Variants in HMGCS1 observed in about 807,000 individuals in gnomAD.
HMGCS1 encodes hydroxymethylglutaryl-CoA synthase, cytoplasmic.
In HMGCS1, 9 loss-of-function variants were observed where a neutral mutation model predicts 52.3. The ratio of observed to expected loss-of-function variants is 0.17; its 90% CI spans 0.10 to 0.30. The LOEUF (loss-of-function observed/expected upper bound fraction) is 0.30, where lower values mean the gene tolerates loss of function less well. HMGCS1 is among the 10% of genes least tolerant of loss of function. HMGCS1 has a pLI of 1.00. For synonymous variants in HMGCS1, 176 were observed against 214.4 expected (o/e 0.82, Z 1.57); for missense variants, 320 against 620.9 (o/e 0.52, Z 5.15).
intron 1 of HMGCS1, among the ~76,000 whole-genome samples, chr5:43,311,608 A>G (rs1352452671): frequency 3.9e-5 from 6 of 152,198 alleles, no homozygotes; most frequent in Non-Finnish European, 7.3e-5. Flanking sequence ...ATTCTAGAGG[A>G]CACAGGAAAC....
intron 1 of HMGCS1, among the ~76,000 whole-genome samples, chr5:43,308,662 T>C (rs1452791305): frequency 6.6e-6 from 1 of 152,206 alleles, no homozygotes; most frequent in Non-Finnish European, 1.5e-5. Context: ...AAAGACTGAT[T>C]GTTACTTGAG....
chr5:43,311,358 T>G (rs1228198235), intron 1 of HMGCS1, among the ~76,000 whole-genome samples: 3 of 151,800 alleles, frequency 2.0e-5, no homozygotes, highest in African/African-American at 7.3e-5. Context: ...GTCCTATCAT[T>G]AGGACAGGTA....
rs949541369 is a variant in HMGCS1 at position 43,288,587 on chromosome 5, G to C, written c.*2544C>G. ...TAGTATCCATAAAAATAAAAACTTA[G>C]GACAAAAGGTTAAGTGTACAAATAG... is the stretch of plus-strand genomic sequence containing the variant. On this transcript the variant is annotated 3_prime_UTR_variant, in exon 11 of 11. Coordinates refer to ENST00000325110, the MANE Select transcript of HMGCS1 (RefSeq NM_001098272.3). 1 of 151,938 alleles carries C rather than the reference G, an allele frequency of 6.6e-6. No individual in the cohort carries two copies. The highest frequency in any genetic ancestry group is 1.5e-5 in the Non-Finnish European group (1 of 68,008). 9.4% of individuals were successfully genotyped at this position (151,938 alleles called of 1,614,324 possible). A position where few individuals can be genotyped will look rare whatever the true frequency, so the allele number is the denominator to read the frequency against.
intron 10 of HMGCS1, among the ~76,000 whole-genome samples, chr5:43,291,855 G>A (rs762017356): frequency 2.0e-5 from 3 of 152,096 alleles, no homozygotes; most frequent in African/African-American, 7.2e-5. Context: ...GATCTGGGAT[G>A]AGATGTGAAA....
At chr5:43,311,905 G>A (rs764650726) in intron 1 of HMGCS1, among the ~76,000 whole-genome samples, 13 of 152,198 alleles carry the variant, frequency 8.5e-5, no homozygotes, top group Non-Finnish European at 1.9e-4. Flanking sequence ...AACTAAAGTA[G>A]AACCGAATAA....
At position 43,295,739 on chromosome 5, in the gene HMGCS1, T is replaced by C. The variant is rs1283978017; in HGVS notation, c.905+13A>G. The C allele has an allele frequency of 1.3e-6, 2 of 1,595,912 alleles. No homozygotes were observed. The highest frequency in any genetic ancestry group is 2.7e-5 in the African/African-American group (2 of 74,098). On this transcript the variant is annotated intron_variant, in intron 6 of 10. Coordinates refer to ENST00000325110, the MANE Select transcript of HMGCS1 (RefSeq NM_001098272.3). ...TAATATAGAAGGAAAAAACTCATAA[T>C]AGCTCCTCTTACCCAAAGGCTTCCA...
chr5:43,299,782 CA>C (rs1440150104), intron 2 of HMGCS1, among the ~76,000 whole-genome samples: 3 of 152,042 alleles, frequency 2.0e-5, no homozygotes, highest in Non-Finnish European at 4.4e-5. Flanking sequence ...CCAATAGCAA[CA>C]AAAATCACTA....
chr5:43,302,499 G>A (rs1021434069), intron 2 of HMGCS1, among the ~76,000 whole-genome samples: 6 of 151,998 alleles, frequency 3.9e-5, no homozygotes, highest in South Asian at 2.1e-4. Flanking sequence ...ATCATACTTC[G>A]TCAATTAAAG....
rs1484492895 is a variant in HMGCS1, at chr5:43,297,040, G to A, written c.701C>T (p.Ser234Phe). 1 of 1,613,914 alleles carries A rather than the reference G, an allele frequency of 6.2e-7. No homozygotes were observed. The highest frequency in any genetic ancestry group is 8.5e-7 in the Non-Finnish European group (1 of 1,179,844). The change falls in exon 5 of 11, where the codon TCT (serine) becomes TTT (phenylalanine). Residue 234 changes from serine (S) to phenylalanine (F), a missense_variant. Around this residue, in one of 3 missense-constraint regions of HMGCS1, gnomAD observed 213 missense variants for 337.4 expected, o/e 0.63. Coordinates refer to ENST00000325110, the MANE Select transcript of HMGCS1 (RefSeq NM_001098272.3). Reference sequence around the variant, plus strand: ...GGCATGGATCTTTTTGCAGTAGACAGAATAGCAGCGGTCTAATGCACTGAG... The same window carrying A: ...GGCATGGATCTTTTTGCAGTAGACAAAATAGCAGCGGTCTAATGCACTGAG... ...CYLSALDRCYSVYCKKIHAQW... is the reference protein window; with the variant it reads ...CYLSALDRCYFVYCKKIHAQW...
In HMGCS1 at chr5:43,289,707, T is replaced by C. The variant is rs998529320; in HGVS notation, c.*1424A>G. ...ATGACTGTACAAATCAAAATACTAC[T>C]AGTTAATATTAGACAAGAGTATCTT... is the stretch of plus-strand genomic sequence containing the variant. On this transcript the variant is annotated 3_prime_UTR_variant, in exon 11 of 11. Coordinates refer to ENST00000325110, the MANE Select transcript of HMGCS1 (RefSeq NM_001098272.3). The C allele has an allele frequency of 2.0e-5, 3 of 152,648 alleles. No individual in the cohort carries two copies. The highest frequency in any genetic ancestry group is 7.2e-5 in the African/African-American group (3 of 41,468). 9.5% of individuals were successfully genotyped at this position (152,648 alleles called of 1,614,324 possible).
intron 5 of HMGCS1, among the ~76,000 whole-genome samples, chr5:43,296,267 G>A (rs936148087): frequency 6.6e-6 from 1 of 152,094 alleles, no homozygotes; most frequent in African/African-American, 2.4e-5. Context: ...GGTAAGTAAT[G>A]TCATGACATT....
chr5:43,309,148 T>C lies in HMGCS1; in HGVS notation c.-69-1324A>G, dbSNP rs555953264. Reference sequence around the variant, plus strand: ...AATATTTCTTCTTGATGTTCATGTATGTATATGCATTTGACACTACTTGTA... The same window carrying C: ...AATATTTCTTCTTGATGTTCATGTACGTATATGCATTTGACACTACTTGTA... On this transcript the variant is annotated intron_variant, in intron 1 of 10. Transcript: ENST00000325110. 9.9e-5 allele frequency among the ~76,000 whole-genome samples: 15 copies of C among 152,258 alleles called. No individual in the cohort carries two copies. In the South Asian group the frequency reaches 3.1e-3, roughly 32 times the overall value.
At chr5:43,296,063 G>A (rs12520012) in intron 5 of HMGCS1, 146 bp from the exon 6 acceptor site, 254,805 of 551,386 alleles carry the variant, frequency 0.46, 62,332 homozygotes, top group Middle Eastern at 0.59. Flanking sequence ...ATACCTTAAA[G>A]TATACATTTA....
At chr5:43,301,783 C>A (rs1754330249) in intron 2 of HMGCS1, among the ~76,000 whole-genome samples, 1 of 152,150 alleles carries the variant, frequency 6.6e-6, no homozygotes, top group Non-Finnish European at 1.5e-5. Context: ...AGAGGAACAG[C>A]CTCCAAAAAC....
intron 2 of HMGCS1, 137 bp from the exon 3 acceptor site, chr5:43,299,112 A>G: frequency 1.6e-6 from 1 of 616,146 alleles, no homozygotes; most frequent in Non-Finnish European, 2.8e-6. Context: ...TATTTAGGGC[A>G]CTCAATTGTG....
intron 1 of HMGCS1, among the ~76,000 whole-genome samples, chr5:43,309,388 T>A (rs1290768625): frequency 6.6e-6 from 1 of 151,982 alleles, no homozygotes; most frequent in African/African-American, 2.4e-5. Flanking sequence ...TACAGGCACA[T>A]GCCACAATAC....
chr5:43,302,921 A>G (rs1396734539), intron 2 of HMGCS1, among the ~76,000 whole-genome samples: 1 of 152,222 alleles, frequency 6.6e-6, no homozygotes, highest in Non-Finnish European at 1.5e-5. Context: ...TCCAAAAACA[A>G]TTCAGAAGGC....
Position 43,293,492 on chromosome 5 carries a change from T to C in HMGCS1, c.1184-519A>G, listed in dbSNP as rs1254223164. On this transcript the variant is annotated intron_variant, in intron 8 of 10. Coordinates refer to ENST00000325110, the MANE Select transcript of HMGCS1 (RefSeq NM_001098272.3). ...GAAAGCACAAAAGTGACCTTAAATA[T>C]AGCCAAGACCATAAGCCTATAAAAA... is the stretch of plus-strand genomic sequence containing the variant. 2.6e-5 allele frequency among the ~76,000 whole-genome samples: 4 copies of C among 152,004 alleles called. No homozygotes were observed. The East Asian group carries it at 7.7e-4, about 29-fold the overall frequency.
rs1561106497 is a variant in HMGCS1, at chr5:43,291,089, C to T, written c.*42G>A. On this transcript the variant is annotated 3_prime_UTR_variant, in exon 11 of 11. Transcript: ENST00000325110. ...TCCAACTGTTCCCATACCCCCACCC[C>T]ATGCCCACCCCACCCTGAAGTCTTG... 1 of 782,312 alleles carries T rather than the reference C, an allele frequency of 1.3e-6. No individual in the cohort carries two copies. Among genetic ancestry groups the T allele is most frequent in the Middle Eastern group, 2.7e-4 (1 of 3,716 alleles). The allele number at this position is 782,312 out of a possible 1,614,324, so 48.5% of individuals were successfully genotyped here.
Sources: allele counts gnomAD v4.1 joint callset (sites outside exome capture counted in the v4.1 genomes callset), GRCh38; gene constraint gnomAD v4.1.1; regional missense constraint gnomAD v4.1.1; transcripts MANE v1.5; gene names NCBI Gene and HGNC (gene_info 2026-07-23, HGNC 2026-07-21).